BMPR1B: variants seen among roughly 807,000 people sequenced by gnomAD.
The protein encoded by BMPR1B is bone morphogenetic protein receptor type 1B.
A neutral mutation model predicts 59.1 loss-of-function variants in BMPR1B; 12 were observed. The ratio of observed to expected loss-of-function variants is 0.20; its 90% confidence interval spans 0.13 to 0.33. The LOEUF (loss-of-function observed/expected upper bound fraction) is 0.33, where lower values mean the gene tolerates loss of function less well. Ranked by LOEUF, BMPR1B falls within the 10% of genes least tolerant of loss-of-function variation. The pLI is 1.00. For missense variants in BMPR1B, 550 were observed against 610.9 expected (o/e 0.90, Z 1.05); for synonymous variants, 237 against 207.3 (o/e 1.14, Z -1.23).
At chr4:94,793,336 A>T (rs1193575097) in intron 1 of BMPR1B, among the ~76,000 whole-genome samples, 1 of 151,900 alleles carries the variant, frequency 6.6e-6, no homozygotes, top group African/African-American at 2.4e-5. Context: ...GTCCCTACAA[A>T]GGACATGAAC....
At chr4:95,109,501 A>G (rs1374026945) in intron 4 of BMPR1B, among the ~76,000 whole-genome samples, 2 of 152,054 alleles carry the variant, frequency 1.3e-5, no homozygotes, top group Non-Finnish European at 2.9e-5. Context: ...AGAGGATTTA[A>G]GCGTGCATTG....
At chr4:94,959,563 A>G (rs1245575572) in intron 2 of BMPR1B, among the ~76,000 whole-genome samples, 7 of 152,116 alleles carry the variant, frequency 4.6e-5, no homozygotes, top group Non-Finnish European at 1.0e-4. Flanking sequence ...TCTTTTACAT[A>G]TTTTTACCAT....
At chr4:94,849,384 G>C (rs1725479050) in intron 1 of BMPR1B, among the ~76,000 whole-genome samples, 1 of 152,150 alleles carries the variant, frequency 6.6e-6, no homozygotes, top group South Asian at 2.1e-4. Context: ...GCCTGATTGG[G>C]TTGGTTTCAG....
chr4:94,778,558 C>T lies in BMPR1B; in HGVS notation c.-183+20490C>T, dbSNP rs190367896. 3.0e-3 allele frequency among the ~76,000 whole-genome samples: 459 copies of T among 152,210 alleles called. 3 individuals are homozygous for T. Among genetic ancestry groups the T allele is most frequent in the African/African-American group, 0.01 (429 of 41,540 alleles). On this transcript the variant is annotated intron_variant, in intron 1 of 12. Transcript: ENST00000515059. ...GGGCTTCTTGTATTAACTCTTGGTGCACCAGTAACAAGATGCTCTTTTTTA... is the reference window on the plus strand; with the variant it reads ...GGGCTTCTTGTATTAACTCTTGGTGTACCAGTAACAAGATGCTCTTTTTTA...
At chr4:95,014,828 T>G (rs1046177879) in intron 3 of BMPR1B, among the ~76,000 whole-genome samples, 1 of 152,166 alleles carries the variant, frequency 6.6e-6, no homozygotes, top group South Asian at 2.1e-4. Flanking sequence ...TATTTCCCAG[T>G]GACTGGTGGT....
At chr4:95,131,937 A>G (rs1333261679) in intron 10 of BMPR1B, among the ~76,000 whole-genome samples, 1 of 152,232 alleles carries the variant, frequency 6.6e-6, no homozygotes, top group East Asian at 1.9e-4. Flanking sequence ...ACTAATAAAC[A>G]AAACCCAGCT....
intron 1 of BMPR1B, among the ~76,000 whole-genome samples, chr4:94,845,588 C>T (rs1474008530): frequency 2.0e-5 from 3 of 152,116 alleles, no homozygotes; most frequent in East Asian, 1.9e-4. Context: ...GTGAGCCACT[C>T]GCCTGGGCCT....
intron 1 of BMPR1B, among the ~76,000 whole-genome samples, chr4:94,784,938 G>T (rs913259529): frequency 6.6e-6 from 1 of 152,116 alleles, no homozygotes; most frequent in African/African-American, 2.4e-5. Flanking sequence ...ATGATGTGCC[G>T]CATCTGGACC....
intron 1 of BMPR1B, among the ~76,000 whole-genome samples, chr4:94,846,721 A>G (rs945331016): frequency 4.0e-5 from 1 of 25,020 alleles, no homozygotes; most frequent in Admixed American, 2.3e-4. Flanking sequence ...CTATATATCT[A>G]TATATCTATA....
At chr4:95,014,310 T>G (rs117636767) in intron 3 of BMPR1B, among the ~76,000 whole-genome samples, 1 of 152,186 alleles carries the variant, frequency 6.6e-6, no homozygotes, top group African/African-American at 2.4e-5. Flanking sequence ...AGTTAGACTA[T>G]CTTATAATTC....
At chr4:95,051,835 G>T in intron 3 of BMPR1B, 1 of 1,476,890 alleles carries the variant, frequency 6.8e-7, no homozygotes, top group Non-Finnish European at 9.1e-7. Flanking sequence ...TGATTTCGTG[G>T]CTTTTATCGC....
intron 2 of BMPR1B, among the ~76,000 whole-genome samples, chr4:94,950,881 A>G (rs1482725841): frequency 6.6e-6 from 1 of 152,152 alleles, no homozygotes; most frequent in Non-Finnish European, 1.5e-5. Flanking sequence ...TGGTATGGCC[A>G]TTTTCACAAT....
intron 1 of BMPR1B, among the ~76,000 whole-genome samples, chr4:94,823,342 A>G (rs1724270162): frequency 6.6e-6 from 1 of 152,136 alleles, no homozygotes. Flanking sequence ...ATGTGGTAGA[A>G]AGTTAGCTTG....
At chr4:95,029,164 G>C (rs1724637645) in intron 3 of BMPR1B, among the ~76,000 whole-genome samples, 1 of 151,698 alleles carries the variant, frequency 6.6e-6, no homozygotes, top group South Asian at 2.1e-4. Flanking sequence ...AGTTACATAT[G>C]TATACATGTG....
chr4:94,772,773 A>G (rs1434871619), intron 1 of BMPR1B, among the ~76,000 whole-genome samples: 8 of 152,150 alleles, frequency 5.3e-5, no homozygotes, highest in Admixed American at 1.3e-4. Flanking sequence ...TTTTAAAATT[A>G]TGTTACTGGA....
chr4:94,945,191 T>C lies in BMPR1B; in HGVS notation c.-112-50849T>C, dbSNP rs564968835. 5.9e-5 allele frequency among the ~76,000 whole-genome samples: 9 copies of C among 152,346 alleles called. No individual in the cohort carries two copies. The South Asian group carries it at 1.2e-3, about 21-fold the overall frequency. On this transcript the variant is annotated intron_variant, in intron 2 of 12. Transcript: ENST00000515059. ...AGAATTAATATAGAATTGCAGTTTA[T>C]GTCAATAGATGTGGCATATCCAAAG...
At chr4:94,818,785 G>A (rs557294494) in intron 1 of BMPR1B, among the ~76,000 whole-genome samples, 7 of 152,184 alleles carry the variant, frequency 4.6e-5, no homozygotes, top group Admixed American at 3.9e-4. Flanking sequence ...CTGATTTTGG[G>A]GGAGGGGAGA....
rs548709772 is a variant in BMPR1B at position 94,858,284 on chromosome 4, G to C, written c.-182-17547G>C. Among the ~76,000 whole-genome samples, 6 of 152,254 alleles carry C rather than the reference G, an allele frequency of 3.9e-5. No homozygotes were observed. The South Asian group carries it at 1.2e-3, about 32-fold the overall frequency. ...AATAATTTAAAATGATCACTGAATAGAATTGTTTTATGCTTGTATGTAACT... is the reference window on the plus strand; with the variant it reads ...AATAATTTAAAATGATCACTGAATACAATTGTTTTATGCTTGTATGTAACT... On this transcript the variant is annotated intron_variant, in intron 1 of 12. Coordinates refer to ENST00000515059, the MANE Select transcript of BMPR1B (RefSeq NM_001203.3).
intron 3 of BMPR1B, among the ~76,000 whole-genome samples, chr4:95,041,301 G>A (rs1030050063): frequency 2.6e-5 from 4 of 151,744 alleles, no homozygotes; most frequent in African/African-American, 4.8e-5. Flanking sequence ...CTCCTACTTC[G>A]GCCTCCCAAA....
Sources: allele counts gnomAD v4.1 joint callset (sites outside exome capture counted in the v4.1 genomes callset), GRCh38; gene constraint gnomAD v4.1.1; transcripts MANE v1.5; gene names NCBI Gene and HGNC (gene_info 2026-07-23, HGNC 2026-07-21).